Variants in PCDH15 observed in about 807,000 individuals in gnomAD.
The protein encoded by PCDH15 is protocadherin related 15.
A neutral mutation model predicts 178.5 loss-of-function variants in PCDH15; 129 were observed. The observed-to-expected ratio is 0.72, with a 90% confidence interval of 0.63 to 0.84. The LOEUF (loss-of-function observed/expected upper bound fraction) is 0.84, where lower values mean the gene tolerates loss of function less well. Among genes scored for constraint, PCDH15 ranks in the 40% least tolerant of loss-of-function variants. The pLI is 0.00. For missense variants in PCDH15, 2,230 were observed against 2,099.9 expected, an observed-to-expected ratio of 1.06 and a Z score of -1.21; for synonymous variants, 800 against 732.0, an observed-to-expected ratio of 1.09 and a Z score of -1.50.
At chr10:54,550,301 A>G (rs1190043545) in intron 2 of PCDH15, among the ~76,000 whole-genome samples, 1 of 152,188 alleles carries the variant, frequency 6.6e-6, no homozygotes, top group Non-Finnish European at 1.5e-5. Flanking sequence ...TACAACTTCC[A>G]CTATGCAACC....
chr10:54,194,770 T>C (rs1268057281), intron 11 of PCDH15, among the ~76,000 whole-genome samples: 1 of 152,062 alleles, frequency 6.6e-6, no homozygotes, highest in Non-Finnish European at 1.5e-5. Context: ...TATGTATACA[T>C]ATTTATGCAG....
intron 2 of PCDH15, among the ~76,000 whole-genome samples, chr10:55,568,390 T>C (rs957729792): frequency 1.3e-5 from 2 of 151,980 alleles, no homozygotes; most frequent in East Asian, 3.9e-4. Flanking sequence ...GAAATAATGG[T>C]TGCCAGGTGC....
Position 55,455,586 on chromosome 10 carries a change from T to C in PCDH15, c.-156+172039A>G, listed in dbSNP as rs533947921. ...ATTTCAATACTGTACTGTTTCTTCG[T>C]TGCTGTGATAGATTATTAATTGAAA... On this transcript the variant is annotated intron_variant, in intron 2 of 5. Coordinates refer to the PCDH15 transcript ENST00000613346. Among the ~76,000 whole-genome samples the C allele has an allele frequency of 2.8e-5, 4 of 141,410 alleles. No homozygotes were observed. The East Asian group carries it at 6.7e-4, about 24-fold the overall frequency. The allele number at this position is 141,410 out of a possible 152,430, so 92.8% of individuals were successfully genotyped here. A position where few individuals can be genotyped will look rare whatever the true frequency, so the allele number is the denominator to read the frequency against.
At chr10:55,518,493 G>A (rs1177200746) in intron 2 of PCDH15, among the ~76,000 whole-genome samples, 1 of 151,964 alleles carries the variant, frequency 6.6e-6, no homozygotes, top group East Asian at 2.0e-4. Flanking sequence ...GACAGAAAGA[G>A]CAGAGAGTAA....
At chr10:53,847,533 GGT>G (rs764078303) in intron 28 of PCDH15, among the ~76,000 whole-genome samples, 3 of 151,910 alleles carry the variant, frequency 2.0e-5, no homozygotes, top group Admixed American at 6.6e-5. Context: ...TACATTACAT[GGT>G]AACCTCTCTG....
intron 11 of PCDH15, among the ~76,000 whole-genome samples, chr10:54,192,194 G>A (rs1428490360): frequency 2.3e-5 from 3 of 132,718 alleles, no homozygotes; most frequent in Non-Finnish European, 4.6e-5. Context: ...AAGAAAGAAA[G>A]GAAAGAAGGA....
At chr10:55,066,476 T>C (rs1841567132) in intron 2 of PCDH15, among the ~76,000 whole-genome samples, 1 of 150,702 alleles carries the variant, frequency 6.6e-6, no homozygotes. Flanking sequence ...TTATAAATAT[T>C]GTTCCTTTCT....
At chr10:53,959,145 A>G (rs962592302) in intron 23 of PCDH15, among the ~76,000 whole-genome samples, 2 of 149,040 alleles carry the variant, frequency 1.3e-5, no homozygotes, top group African/African-American at 4.9e-5. Flanking sequence ...ATATATATAA[A>G]TGTATATGTA....
chr10:53,895,189 CATT>C (rs1564708381), intron 26 of PCDH15, among the ~76,000 whole-genome samples: 2 of 152,136 alleles, frequency 1.3e-5, no homozygotes, highest in Non-Finnish European at 2.9e-5. Context: ...TGTCTAGAAA[CATT>C]ATGTATTACC....
chr10:55,153,580 T>A (rs1003572128), intron 2 of PCDH15, among the ~76,000 whole-genome samples: 1 of 152,150 alleles, frequency 6.6e-6, no homozygotes, highest in East Asian at 1.9e-4. Flanking sequence ...AGACCCTCAG[T>A]GGAGGGTCTG....
chr10:54,296,139 C>T (rs1357259070), intron 8 of PCDH15, among the ~76,000 whole-genome samples: 6 of 71,212 alleles, frequency 8.4e-5, no homozygotes, highest in Admixed American at 3.1e-4. Context: ...AGCGAGACTC[C>T]GTCTCAAAAA....
chr10:54,220,055 A>G (rs2052609631), intron 9 of PCDH15, among the ~76,000 whole-genome samples: 1 of 152,176 alleles, frequency 6.6e-6, no homozygotes, highest in African/African-American at 2.4e-5. Flanking sequence ...AATGCAATAT[A>G]ATTTATCATT....
At chr10:55,603,217 A>C (rs1475408386) in intron 2 of PCDH15, among the ~76,000 whole-genome samples, 1 of 152,090 alleles carries the variant, frequency 6.6e-6, no homozygotes, top group Non-Finnish European at 1.5e-5. Context: ...AGAAACGAGC[A>C]AAGCCTCCAA....
intron 2 of PCDH15, among the ~76,000 whole-genome samples, chr10:55,092,867 T>A (rs1842351365): frequency 6.6e-6 from 1 of 151,886 alleles, no homozygotes; most frequent in Non-Finnish European, 1.5e-5. Flanking sequence ...ACATCACAAG[T>A]AAGAAACTGT....
intron 3 of PCDH15, among the ~76,000 whole-genome samples, chr10:54,416,542 T>G (rs542410520): frequency 6.6e-6 from 1 of 152,312 alleles, no homozygotes; most frequent in African/African-American, 2.4e-5. Context: ...ACATTTGGGT[T>G]TGTTCCATGA....
At chr10:53,953,934 C>T (rs762514310) in intron 23 of PCDH15, among the ~76,000 whole-genome samples, 3 of 152,068 alleles carry the variant, frequency 2.0e-5, no homozygotes, top group East Asian at 1.9e-4. Flanking sequence ...GGACTATGGG[C>T]ACCCGCCACC....
At position 54,946,160 on chromosome 10, in the gene PCDH15, T is replaced by C. The variant is rs545410152; in HGVS notation, c.-79-48660A>G. On this transcript the variant is annotated intron_variant, in intron 2 of 5. Coordinates refer to the PCDH15 transcript ENST00000458638. The stretch of plus-strand genomic sequence containing the variant: ...ATAATTTTAATGACCAAAGACTTCA[T>C]AGATAATGAAAGATGAATTTCAAAA... 5.3e-5 allele frequency among the ~76,000 whole-genome samples: 8 copies of C among 151,948 alleles called. No homozygotes were observed. In the East Asian group the frequency reaches 5.8e-4, roughly 11 times the overall value.
intron 3 of PCDH15, among the ~76,000 whole-genome samples, chr10:54,413,116 T>C (rs12146349): frequency 0.47 from 71,382 of 151,708 alleles, 17,482 homozygotes; most frequent in Non-Finnish European, 0.53. Context: ...TCCTGGCCCA[T>C]AGTATTGTAT....
At position 54,427,538 on chromosome 10, in the gene PCDH15, A is replaced by G. The variant is rs182840965; in HGVS notation, c.158-48596T>C. Among the ~76,000 whole-genome samples, 30 of 152,006 alleles carry G rather than the reference A, an allele frequency of 2.0e-4. No homozygotes were observed. The East Asian group carries it at 5.2e-3, about 27-fold the overall frequency. On this transcript the variant is annotated intron_variant, in intron 3 of 37. Transcript: ENST00000644397. ...GGTGATCCGCCCACCTCAGCCTCCC[A>G]AAGTGCTGGGATTACAGGCGTGAGC...
Sources: gnomAD v4.1 joint callset for allele counts (sites outside exome capture counted in the v4.1 genomes callset) on GRCh38, gnomAD v4.1.1 for gene constraint, MANE v1.5 for transcripts, NCBI Gene and HGNC (gene_info 2026-07-23, HGNC 2026-07-21) for gene names.